SHMT1: variants seen among roughly 807,000 people sequenced by gnomAD.
The protein encoded by SHMT1 is serine hydroxymethyltransferase, cytosolic.
Under a neutral mutation model 49.0 loss-of-function variants are expected in SHMT1, and 45 were observed. The ratio of observed to expected loss-of-function variants is 0.92; its 90% CI spans 0.72 to 1.18. The LOEUF is 1.18. Ranked by LOEUF, SHMT1 falls within the 50% of genes most tolerant of loss-of-function variation. SHMT1 has a pLI of 0.00. For synonymous variants in SHMT1, 232 were observed against 246.6 expected (o/e 0.94, Z 0.55); for missense variants, 541 against 612.4 (o/e 0.88, Z 1.23).
At chr17:18,347,073 T>G (rs1235567741) in intron 5 of SHMT1, among the ~76,000 whole-genome samples, 1 of 152,196 alleles carries the variant, frequency 6.6e-6, no homozygotes, top group Non-Finnish European at 1.5e-5. Flanking sequence ...TTGCCATGCC[T>G]GTAGCTACTG....
chr17:18,338,540 G>A (rs571860567), intron 7 of SHMT1, among the ~76,000 whole-genome samples: 5 of 152,134 alleles, frequency 3.3e-5, no homozygotes, highest in South Asian at 2.1e-4. Flanking sequence ...CTGCCCAGCC[G>A]CCACCCCGTC....
chr17:18,350,092 G>A (rs1330287920), intron 3 of SHMT1, among the ~76,000 whole-genome samples: 10 of 152,140 alleles, frequency 6.6e-5, no homozygotes, highest in African/African-American at 2.4e-4. Flanking sequence ...ACTTTCGGAG[G>A]CCGAGGCGGG....
At chr17:18,351,534 G>A (rs1024886753) in intron 3 of SHMT1, among the ~76,000 whole-genome samples, 2 of 151,826 alleles carry the variant, frequency 1.3e-5, no homozygotes, top group East Asian at 2.0e-4. Context: ...AGAGGCAGGC[G>A]GATCATGAGG....
chr17:18,358,055 G>A (rs1254460443), intron 1 of SHMT1, among the ~76,000 whole-genome samples: 1 of 145,360 alleles, frequency 6.9e-6, no homozygotes, highest in Admixed American at 6.9e-5. Context: ...TTTCAGTAGA[G>A]ATGGGGTTTC....
intron 7 of SHMT1, among the ~76,000 whole-genome samples, chr17:18,336,192 G>A (rs1050738354): frequency 2.0e-5 from 3 of 151,748 alleles, no homozygotes; most frequent in Admixed American, 6.6e-5. Flanking sequence ...CAGAAGAATC[G>A]CTTGAACCCG....
At position 18,353,695 on chromosome 17, in the gene SHMT1, G is replaced by A; in HGVS notation, c.219C>T (p.Tyr73=). 1.2e-6 allele frequency: 2 copies of A among 1,614,104 alleles called. No individual in the cohort carries two copies. The highest frequency in any genetic ancestry group is 8.5e-7 in the Non-Finnish European group (1 of 1,180,024). Residue 73 remains tyrosine, a synonymous_variant, in exon 3 of 12, where the codon TAC becomes TAT. Coordinates refer to ENST00000316694, the MANE Select transcript of SHMT1 (RefSeq NM_004169.5). The stretch of plus-strand genomic sequence containing the variant: ...ACCTCTGGCCCGGGTACCCCTCAGA[G>A]TATTTGTTATTTAAGCAAGAGCCTA... ...EALGSCLNNK[Y]SEGYPGQRYY...
chr17:18,340,725 G>C lies in SHMT1; in HGVS notation c.601+7C>G, dbSNP rs370480715. ...TGAACAAGGTGACTTTCCGCCCCGCGCATCACCTGCGATGATCAGCTTCGG... is the reference window on the plus strand; with the variant it reads ...TGAACAAGGTGACTTTCCGCCCCGCCCATCACCTGCGATGATCAGCTTCGG... On this transcript the variant is annotated splice_region_variant and intron_variant, in intron 6 of 11. Transcript: ENST00000316694. This position sits in a 1 kb window ranked among gnomAD's most constrained non-coding sequence, Gnocchi z 4.5. 1.9e-6 allele frequency: 3 copies of C among 1,608,922 alleles called. No homozygotes were observed. Among genetic ancestry groups the C allele is most frequent in the Middle Eastern group, 1.7e-4 (1 of 6,056 alleles).
intron 1 of SHMT1, chr17:18,360,503 T>C (rs532864441): frequency 6.7e-6 from 1 of 148,856 alleles, no homozygotes; most frequent in South Asian, 2.1e-4. Context: ...GAGGCTGCAG[T>C]GAGCCCAGAT....
intron 9 of SHMT1, chr17:18,332,961 C>T (rs1256913167): frequency 1.5e-6 from 1 of 670,838 alleles, no homozygotes; most frequent in Non-Finnish European, 2.7e-6. Context: ...TTCCCATCAT[C>T]TGTGGCTCAC....
intron 1 of SHMT1, among the ~76,000 whole-genome samples, chr17:18,360,180 T>G (rs1598075061): frequency 6.6e-6 from 1 of 150,554 alleles, no homozygotes; most frequent in Admixed American, 6.6e-5. Context: ...ACCCAGGAGG[T>G]GGAGGTTGCA....
intron 7 of SHMT1, among the ~76,000 whole-genome samples, chr17:18,338,118 G>C (rs1984038668): frequency 6.6e-6 from 1 of 151,506 alleles, no homozygotes; most frequent in South Asian, 2.1e-4. Context: ...ATCCCGTCTA[G>C]GAAGTGAGGA....
At chr17:18,349,076 TCAC>T (rs200837973) in intron 3 of SHMT1, among the ~76,000 whole-genome samples, 2,601 of 151,950 alleles carry the variant, frequency 0.017, 36 homozygotes, top group Middle Eastern at 0.027. Context: ...AACAAACCAG[TCAC>T]CACAAGACAA....
chr17:18,355,091 C>T (rs1430321865), intron 2 of SHMT1, among the ~76,000 whole-genome samples: 1 of 121,346 alleles, frequency 8.2e-6, no homozygotes, highest in African/African-American at 3.4e-5. Flanking sequence ...AAAAAAAGGC[C>T]GGGTGCGGTG....
At position 18,330,568 on chromosome 17, in the gene SHMT1, C is replaced by G; in HGVS notation, c.1158G>C (p.Lys386Asn). Residue 386 changes from lysine (K) to asparagine (N), a missense_variant, in exon 10 of 12, where the codon AAG (lysine) becomes AAC (asparagine). By Grantham distance (94) the Lys-to-Asn change is moderately conservative. Transcript: ENST00000316694. ...GATGATTCTCACCTGGACAGGTGTT[C>G]TTGTTGCAGGCAATAGAACAGGCTT... ...VLEACSIACN[K>N]NTCPGDRSAL... The G allele has an allele frequency of 1.2e-6, 2 of 1,611,718 alleles. No homozygotes were observed. Among genetic ancestry groups the G allele is most frequent in the Non-Finnish European group, 1.7e-6 (2 of 1,177,778 alleles).
chr17:18,353,928 T>A, intron 2 of SHMT1, 111 bp from the exon 3 acceptor site: 1 of 960,440 alleles, frequency 1.0e-6, no homozygotes, highest in Non-Finnish European at 1.7e-6. Context: ...CATTATGGAA[T>A]AGAATGAATC....
intron 1 of SHMT1, among the ~76,000 whole-genome samples, chr17:18,362,698 C>G (rs1471630592): frequency 6.6e-6 from 1 of 152,168 alleles, no homozygotes; most frequent in Non-Finnish European, 1.5e-5. Context: ...ATTGAAGGCC[C>G]GCATCTGTGC....
rs1982915899 is a variant in SHMT1, at chr17:18,329,311, C to G, written c.1249G>C (p.Asp417His). 1 of 1,613,258 alleles carries G rather than the reference C, an allele frequency of 6.2e-7. No homozygotes were observed. Reference sequence around the variant, plus strand: ...ATAAAGTGGGCTACTTTTTGGAAGTCTTTTTCCAAAAGTCCACGGGACGTC... The same window carrying G: ...ATAAAGTGGGCTACTTTTTGGAAGTGTTTTTCCAAAAGTCCACGGGACGTC... ...ALTSRGLLEK[D>H]FQKVAHFIHR... is the part of the protein sequence containing the mutation. Residue 417 changes from aspartate to histidine, a missense_variant, in exon 11 of 12, where the codon GAC becomes CAC. Asp to His is a moderately conservative substitution (Grantham distance 81, BLOSUM62 -1). Coordinates refer to ENST00000316694, the MANE Select transcript of SHMT1 (RefSeq NM_004169.5).
intron 7 of SHMT1, among the ~76,000 whole-genome samples, chr17:18,337,036 A>T (rs533879633): frequency 1.3e-5 from 2 of 152,140 alleles, no homozygotes; most frequent in African/African-American, 4.8e-5. Context: ...TTCTGAGAAA[A>T]AGTTAACCAT....
chr17:18,343,043 G>A (rs564455687), intron 5 of SHMT1, among the ~76,000 whole-genome samples: 2 of 152,262 alleles, frequency 1.3e-5, no homozygotes, highest in African/African-American at 4.8e-5. Context: ...GCAGACAATG[G>A]AGAGATACTG....
Sources: gnomAD v4.1 joint callset for allele counts (sites outside exome capture counted in the v4.1 genomes callset) on GRCh38, gnomAD v4.1.1 for gene constraint, Gnocchi (gnomAD v3.1) non-coding constraint, MANE v1.5 for transcripts, NCBI Gene and HGNC (gene_info 2026-07-23, HGNC 2026-07-21) for gene names.